Variants in DPP10 observed in about 807,000 individuals in gnomAD.
DPP10 encodes dipeptidyl peptidase like 10, also known as inactive dipeptidyl peptidase 10.
DPP10 carries 33 observed loss-of-function variants against 120.9 expected under a neutral mutation model. The ratio of observed to expected loss-of-function variants is 0.27; its 90% CI spans 0.21 to 0.37. The LOEUF (loss-of-function observed/expected upper bound fraction) is 0.37, where lower values mean the gene tolerates loss of function less well. Ranked by LOEUF, DPP10 falls within the 10% of genes least tolerant of loss-of-function variation. The pLI, the probability that DPP10 is intolerant of heterozygous loss-of-function variation, is 1.00. For missense variants in DPP10, 816 were observed against 942.8 expected, an observed-to-expected ratio of 0.87 and a Z score of 1.76; for synonymous variants, 337 against 326.1, an observed-to-expected ratio of 1.03 and a Z score of -0.36.
intron 5 of DPP10, among the ~76,000 whole-genome samples, chr2:115,550,793 A>G (rs933629018): frequency 6.6e-6 from 1 of 152,124 alleles, no homozygotes; most frequent in African/African-American, 2.4e-5. Context: ...AGTCGGAGAA[A>G]CAATCAAAGA....
chr2:115,505,205 CAA>C (rs1429057304), intron 4 of DPP10, among the ~76,000 whole-genome samples: 1 of 151,726 alleles, frequency 6.6e-6, no homozygotes, highest in Non-Finnish European at 1.5e-5. Flanking sequence ...TCCTTATAAA[CAA>C]AGTTATCTAA....
At chr2:115,636,295 A>G (rs1266111420) in intron 5 of DPP10, among the ~76,000 whole-genome samples, 1 of 152,206 alleles carries the variant, frequency 6.6e-6, no homozygotes, top group Non-Finnish European at 1.5e-5. Context: ...TTTAAATTAG[A>G]TAAGACTAAA....
chr2:115,260,553 A>G (rs528185072), intron 1 of DPP10, among the ~76,000 whole-genome samples: 1 of 152,318 alleles, frequency 6.6e-6, no homozygotes, highest in Admixed American at 6.5e-5. Flanking sequence ...AGTTTTTAAA[A>G]ATCTCAGTGA....
intron 1 of DPP10, among the ~76,000 whole-genome samples, chr2:115,301,289 C>T (rs2061118540): frequency 6.6e-6 from 1 of 151,914 alleles, no homozygotes; most frequent in Non-Finnish European, 1.5e-5. Flanking sequence ...TTACCCATCA[C>T]AGTTTTGCAT....
At chr2:114,910,976 AC>A (rs769881005) in intron 1 of DPP10, among the ~76,000 whole-genome samples, 2 of 152,098 alleles carry the variant, frequency 1.3e-5, no homozygotes, top group Non-Finnish European at 2.9e-5. Flanking sequence ...TCTTATCCCC[AC>A]TATATCTAAA....
intron 8 of DPP10, among the ~76,000 whole-genome samples, chr2:115,736,594 T>A (rs1676533264): frequency 6.6e-6 from 1 of 152,220 alleles, no homozygotes; most frequent in Non-Finnish European, 1.5e-5. Context: ...TGTGTATCTC[T>A]GTGATGACAA....
intron 2 of DPP10, among the ~76,000 whole-genome samples, chr2:115,324,702 T>C (rs2062252133): frequency 6.6e-6 from 1 of 152,200 alleles, no homozygotes; most frequent in Non-Finnish European, 1.5e-5. Context: ...ATTAGCACTT[T>C]TAATTTCCCA....
chr2:115,564,479 C>T (rs1362128648), intron 5 of DPP10, among the ~76,000 whole-genome samples: 1 of 152,054 alleles, frequency 6.6e-6, no homozygotes, highest in Non-Finnish European at 1.5e-5. Context: ...CTTACTGAAA[C>T]GTGATAGAAA....
Position 114,454,192 on chromosome 2 carries a change from C to G in DPP10, c.60+11354C>G, listed in dbSNP as rs138673127. On this transcript the variant is annotated intron_variant, in intron 1 of 25. Coordinates refer to ENST00000410059, the MANE Select transcript of DPP10 (RefSeq NM_020868.6). The stretch of plus-strand genomic sequence containing the variant: ...AAGAATCGGGAGAGAAAAGAATACT[C>G]CAAATGGTGCTATATGTGAAAGTAC... Among the ~76,000 whole-genome samples, 25 of 152,132 alleles carry G rather than the reference C, an allele frequency of 1.6e-4. 1 individual carries two copies. In the East Asian group the frequency reaches 4.8e-3, roughly 29 times the overall value.
intron 1 of DPP10, among the ~76,000 whole-genome samples, chr2:114,621,039 A>T (rs1033678875): frequency 6.6e-6 from 1 of 152,090 alleles, no homozygotes; most frequent in Non-Finnish European, 1.5e-5. Context: ...GGAGACAGAT[A>T]AGAAGCTCTG....
chr2:115,833,529 C>G (rs1015013984), intron 21 of DPP10, among the ~76,000 whole-genome samples: 5 of 152,134 alleles, frequency 3.3e-5, no homozygotes, highest in African/African-American at 1.2e-4. Flanking sequence ...GATACAGGTT[C>G]AACGTACCTA....
chr2:115,141,840 G>A (rs756332012), intron 1 of DPP10, among the ~76,000 whole-genome samples: 8 of 152,078 alleles, frequency 5.3e-5, no homozygotes, highest in East Asian at 3.9e-4. Context: ...GTGGCTCAAC[G>A]TCAGCTCACT....
chr2:114,945,460 A>C (rs1697273498), intron 1 of DPP10, among the ~76,000 whole-genome samples: 1 of 152,178 alleles, frequency 6.6e-6, no homozygotes, highest in South Asian at 2.1e-4. Flanking sequence ...AAGTACACAG[A>C]GGGCAGGTAA....
At chr2:115,504,402 T>A in intron 4 of DPP10, among the ~76,000 whole-genome samples, 1 of 152,018 alleles carries the variant, frequency 6.6e-6, no homozygotes, top group East Asian at 1.9e-4. Context: ...TATGAATAAT[T>A]GAATTTCATC....
At chr2:114,459,391 C>T (rs73946157) in intron 1 of DPP10, among the ~76,000 whole-genome samples, 2,926 of 152,250 alleles carry the variant, frequency 0.019, 92 homozygotes, top group African/African-American at 0.067. Flanking sequence ...TTAATACAAG[C>T]AGCATGACAA....
Position 115,766,326 on chromosome 2 carries a change from G to GTATATATA in DPP10, c.1114-1967_1114-1960dup, listed in dbSNP as rs1553502949. ...TGTGTGTGTGTATATATATATATAT[G>GTATATATA]TATATATATATGTATATATATATAT... On this transcript the variant is annotated intron_variant, in intron 12 of 25. Coordinates refer to ENST00000410059, the MANE Select transcript of DPP10 (RefSeq NM_020868.6). Among the ~76,000 whole-genome samples, 239 of 50,318 alleles carry GTATATATA rather than the reference G, an allele frequency of 4.7e-3. 3 individuals are homozygous for GTATATATA. The highest frequency in any genetic ancestry group is 0.018 in the Middle Eastern group (1 of 56). 33.0% of individuals were successfully genotyped at this position (50,318 alleles called of 152,430 possible).
chr2:115,505,389 T>C (rs535028164), intron 4 of DPP10, among the ~76,000 whole-genome samples: 84 of 152,274 alleles, frequency 5.5e-4, no homozygotes, highest in African/African-American at 2.0e-3. Flanking sequence ...GCCTATTAGA[T>C]ATATGTGATA....
At chr2:114,611,517 C>T (rs918143605) in intron 1 of DPP10, among the ~76,000 whole-genome samples, 9 of 151,984 alleles carry the variant, frequency 5.9e-5, no homozygotes, top group African/African-American at 2.2e-4. Context: ...TCACACATAC[C>T]CACATAGAGA....
At chr2:115,490,141 G>A (rs981669625) in intron 3 of DPP10, among the ~76,000 whole-genome samples, 2 of 152,048 alleles carry the variant, frequency 1.3e-5, no homozygotes, top group African/African-American at 2.4e-5. Flanking sequence ...AGTTGTATTA[G>A]CCTGTTCTCA....
Sources: gnomAD v4.1 joint callset for allele counts (sites outside exome capture counted in the v4.1 genomes callset) on GRCh38, gnomAD v4.1.1 for gene constraint, MANE v1.5 for transcripts, NCBI Gene and HGNC (gene_info 2026-07-23, HGNC 2026-07-21) for gene names.